PLXNA4: variants seen among roughly 807,000 people sequenced by gnomAD.
PLXNA4 encodes plexin A4.
Under a neutral mutation model 191.8 loss-of-function variants are expected in PLXNA4, and 44 were observed. The observed-to-expected ratio is 0.23, with a 90% CI of 0.18 to 0.29. The LOEUF (loss-of-function observed/expected upper bound fraction) is 0.29, where lower values mean the gene tolerates loss of function less well. PLXNA4 is among the 10% of genes least tolerant of loss of function. The pLI, the probability that PLXNA4 is intolerant of heterozygous loss-of-function variation, is 1.00. For missense variants in PLXNA4, 1,800 were observed against 2,488.8 expected (o/e 0.72, Z 5.89); for synonymous variants, 1,082 against 1,009.5 (o/e 1.07, Z -1.36).
intron 2 of PLXNA4, among the ~76,000 whole-genome samples, chr7:132,643,266 C>T (rs1803787313): frequency 6.6e-6 from 1 of 152,120 alleles, no homozygotes; most frequent in Non-Finnish European, 1.5e-5. Flanking sequence ...CTGTTTCACA[C>T]AGAGATGCTC....
At chr7:132,162,846 G>A (rs1795991260) in intron 24 of PLXNA4, among the ~76,000 whole-genome samples, 1 of 152,102 alleles carries the variant, frequency 6.6e-6, no homozygotes, top group Non-Finnish European at 1.5e-5. Flanking sequence ...CATGGTCACA[G>A]CCTTCCCAGC....
chr7:132,487,030 C>G (rs1039018672), intron 3 of PLXNA4, among the ~76,000 whole-genome samples: 1 of 152,222 alleles, frequency 6.6e-6, no homozygotes, highest in Non-Finnish European at 1.5e-5. Flanking sequence ...GGACAAACAG[C>G]ACAAAAATGC....
intron 1 of PLXNA4, among the ~76,000 whole-genome samples, chr7:132,563,130 CTCCTCCTTCTCCTCT>C (rs1801395305): frequency 2.9e-5 from 3 of 103,262 alleles, no homozygotes; most frequent in African/African-American, 7.3e-5. Flanking sequence ...CCTTCTCCTC[CTCCTCCTTCTCCTCT>C]TCCTCCTTCT....
intron 16 of PLXNA4, among the ~76,000 whole-genome samples, chr7:132,184,758 C>A (rs944118480): frequency 2.0e-5 from 3 of 152,050 alleles, no homozygotes; most frequent in Non-Finnish European, 2.9e-5. Context: ...AGGAACAAGA[C>A]CTAAACTCTA....
upstream of PLXNA4, among the ~76,000 whole-genome samples, chr7:132,577,919 A>C (rs1228000307): frequency 6.6e-6 from 1 of 152,116 alleles, no homozygotes; most frequent in Non-Finnish European, 1.5e-5. Flanking sequence ...CAAGGCCCGC[A>C]CGAGAGAACA....
At chr7:132,144,908 T>C (rs1201776264) in intron 29 of PLXNA4, among the ~76,000 whole-genome samples, 1 of 152,166 alleles carries the variant, frequency 6.6e-6, no homozygotes, top group Non-Finnish European at 1.5e-5. Flanking sequence ...CACAGACAGA[T>C]TTGACTAGAG....
At chr7:132,445,394 C>A (rs775507119) in intron 3 of PLXNA4, among the ~76,000 whole-genome samples, 2 of 151,534 alleles carry the variant, frequency 1.3e-5, no homozygotes, top group African/African-American at 4.9e-5. Flanking sequence ...CGAGTGAGCG[C>A]CCCTGCCTTG....
intron 4 of PLXNA4, among the ~76,000 whole-genome samples, chr7:132,294,124 GAT>G (rs1800990582): frequency 6.6e-6 from 1 of 152,210 alleles, no homozygotes; most frequent in South Asian, 2.1e-4. Context: ...AAGTGCTATG[GAT>G]AAAAATAGAG....
At chr7:132,556,542 GC>G (rs1800811437) in intron 1 of PLXNA4, among the ~76,000 whole-genome samples, 1 of 152,242 alleles carries the variant, frequency 6.6e-6, no homozygotes, top group Non-Finnish European at 1.5e-5. Context: ...CACATAATCT[GC>G]CCATTGGGCA....
At chr7:132,615,325 C>T (rs1442491060) in intron 2 of PLXNA4, among the ~76,000 whole-genome samples, 1 of 152,070 alleles carries the variant, frequency 6.6e-6, no homozygotes, top group African/African-American at 2.4e-5. Flanking sequence ...GGGAAACTGA[C>T]GCCTGTGCAG....
chr7:132,469,152 GA>G (rs974407355), intron 3 of PLXNA4, among the ~76,000 whole-genome samples: 8 of 123,514 alleles, frequency 6.5e-5, no homozygotes, highest in East Asian at 4.9e-4. Flanking sequence ...AAGAAAGAAA[GA>G]AAAAAAAAAG....
chr7:132,331,345 C>G (rs1170823168), intron 3 of PLXNA4, among the ~76,000 whole-genome samples: 1 of 152,228 alleles, frequency 6.6e-6, no homozygotes, highest in Non-Finnish European at 1.5e-5. Context: ...TTGCCAAGGA[C>G]AGAGGGTTTG....
intron 4 of PLXNA4, among the ~76,000 whole-genome samples, chr7:132,295,025 C>A (rs1298812493): frequency 6.6e-6 from 1 of 152,216 alleles, no homozygotes; most frequent in East Asian, 1.9e-4. Context: ...GTTATGGCAG[C>A]CCTAGCCAAT....
At chr7:132,402,985 C>T (rs1040744543) in intron 3 of PLXNA4, among the ~76,000 whole-genome samples, 3 of 152,238 alleles carry the variant, frequency 2.0e-5, no homozygotes, top group Non-Finnish European at 2.9e-5. Flanking sequence ...TGCGTAATAA[C>T]TGGATCTCTC....
At chr7:132,439,668 G>A (rs1411719788) in intron 3 of PLXNA4, among the ~76,000 whole-genome samples, 1 of 152,084 alleles carries the variant, frequency 6.6e-6, no homozygotes, top group East Asian at 1.9e-4. Flanking sequence ...TTGTTTAGGG[G>A]GCAAGACCTG....
At chr7:132,424,512 G>T (rs1794968738) in intron 3 of PLXNA4, among the ~76,000 whole-genome samples, 1 of 152,092 alleles carries the variant, frequency 6.6e-6, no homozygotes, top group African/African-American at 2.4e-5. Context: ...TTCCTGGCAA[G>T]TCAGGAGGTC....
intron 2 of PLXNA4, among the ~76,000 whole-genome samples, chr7:132,595,901 C>T (rs536746516): frequency 7.2e-5 from 11 of 152,090 alleles, no homozygotes; most frequent in Non-Finnish European, 1.5e-4. Flanking sequence ...CTTTTGAGAA[C>T]GAAACATTAT....
intron 4 of PLXNA4, among the ~76,000 whole-genome samples, chr7:132,296,091 G>T (rs902851855): frequency 6.6e-6 from 1 of 152,142 alleles, no homozygotes; most frequent in African/African-American, 2.4e-5. Context: ...GTGGAGACCA[G>T]TGTCGGCCCA....
At chr7:132,460,047 A>T (rs537360098) in intron 3 of PLXNA4, among the ~76,000 whole-genome samples, 51 of 151,998 alleles carry the variant, frequency 3.4e-4, no homozygotes, top group Admixed American at 3.1e-3. Context: ...TGTACAATTC[A>T]GATACAACTG....
Sources: gnomAD v4.1 joint callset for allele counts (sites outside exome capture counted in the v4.1 genomes callset) on GRCh38, gnomAD v4.1.1 for gene constraint, MANE v1.5 for transcripts, NCBI Gene and HGNC (gene_info 2026-07-23, HGNC 2026-07-21) for gene names.